CUL3: variants seen among roughly 807,000 people sequenced by gnomAD.
CUL3 encodes the protein cullin 3, also known as cullin-3.
In CUL3, 19 loss-of-function variants were observed where a neutral mutation model predicts 89.1. The observed-to-expected ratio is 0.21, with a 90% CI of 0.15 to 0.31. The LOEUF is 0.31. CUL3 is among the 10% of genes least tolerant of loss of function. The pLI, the probability that CUL3 is intolerant of heterozygous loss-of-function variation, is 1.00. For synonymous variants in CUL3, 351 were observed against 308.4 expected (o/e 1.14, Z -1.45); for missense variants, 469 against 942.3 (o/e 0.50, Z 6.58).
At chr2:224,482,147 C>G (rs2106152901) in intron 13 of CUL3, 69 bp from the exon 14 acceptor site, 1 of 1,235,832 alleles carries the variant, frequency 8.1e-7, no homozygotes, top group Non-Finnish European at 1.1e-6. Context: ...AGCAAGTAAA[C>G]TGACCAAGCA....
chr2:224,546,667 T>TGG lies in CUL3; in HGVS notation c.264+10990_264+10991dup, dbSNP rs75170617. On this transcript the variant is annotated intron_variant, in intron 2 of 15. Transcript: ENST00000264414. ...ACTAAAAAATACAACAGAAATAGGA[T>TGG]GGGGGGGGGTACTTGCCCTCAAAGT... Among the ~76,000 whole-genome samples, 748 of 150,282 alleles carry TGG rather than the reference T, an allele frequency of 5.0e-3. 3 individuals are homozygous for TGG. The highest frequency in any genetic ancestry group is 9.3e-3 in the African/African-American group (382 of 40,948).
intron 1 of CUL3, chr2:224,569,600 CTTTTCA>C: frequency 3.1e-6 from 2 of 636,342 alleles, no homozygotes; most frequent in Non-Finnish European, 3.9e-6. Context: ...AAAGCAAAAT[CTTTTCA>C]TTTACATTAC....
At chr2:224,521,521 C>G (rs866912629) in intron 3 of CUL3, among the ~76,000 whole-genome samples, 3 of 151,682 alleles carry the variant, frequency 2.0e-5, no homozygotes, top group Non-Finnish European at 4.4e-5. Flanking sequence ...ACTTCCGCCT[C>G]CCAGGTTCAA....
In CUL3 at chr2:224,491,334, G is replaced by C. The variant is rs545535875; in HGVS notation, c.1842+4498C>G. Among the ~76,000 whole-genome samples, 6 of 152,152 alleles carry C rather than the reference G, an allele frequency of 3.9e-5. No homozygotes were observed. In the South Asian group the frequency reaches 1.2e-3, roughly 32 times the overall value. ...TAAGTACCCTGTCTACACAGTTCTT[G>C]TTAAGATGATTCCTGGGAAGGCTAT... On this transcript the variant is annotated intron_variant, in intron 13 of 15. Coordinates refer to ENST00000264414, the MANE Select transcript of CUL3 (RefSeq NM_003590.5).
At chr2:224,574,451 A>G (rs1695253794) in intron 1 of CUL3, among the ~76,000 whole-genome samples, 1 of 152,190 alleles carries the variant, frequency 6.6e-6, no homozygotes, top group African/African-American at 2.4e-5. Context: ...CCTCACCTTT[A>G]AAAAAGATTC....
chr2:224,546,458 A>G (rs1416749166), intron 2 of CUL3, among the ~76,000 whole-genome samples: 2 of 146,992 alleles, frequency 1.4e-5, no homozygotes, highest in East Asian at 1.9e-4. Flanking sequence ...CCACACAGAG[A>G]AAAAAAAAAT....
chr2:224,532,292 C>T (rs1214077507), intron 3 of CUL3, among the ~76,000 whole-genome samples: 5 of 151,940 alleles, frequency 3.3e-5, no homozygotes, highest in African/African-American at 9.7e-5. Flanking sequence ...AAGAATGCCT[C>T]TATTTAAGGG....
At chr2:224,584,035 CAT>C (rs1189530766) in intron 1 of CUL3, among the ~76,000 whole-genome samples, 1 of 152,202 alleles carries the variant, frequency 6.6e-6, no homozygotes, top group Non-Finnish European at 1.5e-5. Flanking sequence ...GTTAACAGTA[CAT>C]TTTAATTGCT....
chr2:224,521,931 CTG>C (rs1312980508), intron 3 of CUL3, among the ~76,000 whole-genome samples: 4 of 152,006 alleles, frequency 2.6e-5, no homozygotes, highest in African/African-American at 7.3e-5. Flanking sequence ...ACATCTGTAA[CTG>C]TTTTTGTCTA....
intron 1 of CUL3, among the ~76,000 whole-genome samples, chr2:224,558,817 C>T (rs541185883): frequency 1.4e-4 from 22 of 151,988 alleles, no homozygotes; most frequent in African/African-American, 5.3e-4. Flanking sequence ...CCGAGGCGGG[C>T]GGATCATGAG....
In CUL3 at chr2:224,506,014, CTG is replaced by C. The variant is rs765343941; in HGVS notation, c.1146_1147del (p.Arg383ValfsTer3). The C allele has an allele frequency of 6.2e-7, 1 of 1,611,918 alleles. No individual in the cohort carries two copies. Among genetic ancestry groups the C allele is most frequent in the Admixed American group, 1.7e-5 (1 of 59,900 alleles). On this transcript the variant is annotated frameshift_variant, in exon 8 of 16. Coordinates refer to ENST00000264414, the MANE Select transcript of CUL3 (RefSeq NM_003590.5). LOFTEE classifies it high-confidence loss of function. ...AAATAATGAGAGGTATTCAGGAGAC[CTG>C]GAGTTGAGGTTGAGAAAATACTCAA...
chr2:224,528,026 T>C (rs1034811035), intron 3 of CUL3, among the ~76,000 whole-genome samples: 4 of 152,232 alleles, frequency 2.6e-5, no homozygotes, highest in Non-Finnish European at 4.4e-5. Context: ...CTCACAACTA[T>C]AGATAATCCA....
intron 13 of CUL3, among the ~76,000 whole-genome samples, chr2:224,490,432 G>A (rs1022424804): frequency 2.0e-5 from 3 of 151,928 alleles, no homozygotes; most frequent in Non-Finnish European, 4.4e-5. Context: ...TCCTTACCCT[G>A]CCCCTTTTGC....
intron 6 of CUL3, among the ~76,000 whole-genome samples, chr2:224,509,227 T>C (rs544106396): frequency 6.6e-6 from 1 of 152,126 alleles, no homozygotes; most frequent in Non-Finnish European, 1.5e-5. Flanking sequence ...CACCTTTTTT[T>C]TCTTAAGACA....
intron 13 of CUL3, among the ~76,000 whole-genome samples, chr2:224,487,805 C>G (rs911057429): frequency 1.6e-4 from 25 of 152,196 alleles, no homozygotes; most frequent in African/African-American, 5.8e-4. Context: ...TTCTTCTCAG[C>G]ACCATATCAC....
intron 10 of CUL3, among the ~76,000 whole-genome samples, chr2:224,502,258 T>C (rs903514164): frequency 1.3e-5 from 2 of 152,218 alleles, no homozygotes; most frequent in African/African-American, 4.8e-5. Context: ...TGACACATTT[T>C]AACCATAGAG....
Position 224,585,176 on chromosome 2 carries a change from G to GGGCGGCGGC in CUL3, c.-176_-168dup, listed in dbSNP as rs552925358. On this transcript the variant is annotated 5_prime_UTR_variant, in exon 1 of 16. Transcript: ENST00000264414. The stretch of plus-strand genomic sequence containing the variant: ...CCCTGGGCAGCCGCGGCGGCGGCGG[G>GGGCGGCGGC]GGCGGCGGCGGCGGCGGCGGCGGCT... 5.0e-5 allele frequency: 13 copies of GGGCGGCGGC among 261,200 alleles called. No homozygotes were observed. Among genetic ancestry groups the GGGCGGCGGC allele is most frequent in the South Asian group, 4.3e-4 (3 of 6,934 alleles). 16.2% of individuals were successfully genotyped at this position (261,200 alleles called of 1,614,324 possible). A position where few individuals can be genotyped will look rare whatever the true frequency, so the allele number is the denominator to read the frequency against.
chr2:224,482,317 G>C (rs1691565584), intron 13 of CUL3, among the ~76,000 whole-genome samples: 1 of 151,948 alleles, frequency 6.6e-6, no homozygotes, highest in Admixed American at 6.6e-5. Flanking sequence ...TTTGTTTCAG[G>C]AGATACAATG....
chr2:224,567,860 C>A (rs1391264881), intron 1 of CUL3, among the ~76,000 whole-genome samples: 2 of 152,132 alleles, frequency 1.3e-5, no homozygotes, highest in African/African-American at 4.8e-5. Flanking sequence ...CACACCATGA[C>A]CCTGTTCAAA....
Sources: allele counts gnomAD v4.1 joint callset (sites outside exome capture counted in the v4.1 genomes callset), GRCh38; gene constraint gnomAD v4.1.1; transcripts MANE v1.5; gene names NCBI Gene and HGNC (gene_info 2026-07-23, HGNC 2026-07-21).